Variants in GPR39 observed in about 807,000 individuals in gnomAD.
GPR39 encodes the protein G protein-coupled receptor 39.
A neutral mutation model predicts 18.4 loss-of-function variants in GPR39; 23 were observed. That is an observed-to-expected ratio of 1.25 (90% CI 0.90 to 1.77). The LOEUF (loss-of-function observed/expected upper bound fraction) is 1.77. GPR39 is among the 40% of genes most tolerant of loss of function. The pLI is 0.00. For synonymous variants in GPR39, 280 were observed against 257.9 expected, an observed-to-expected ratio of 1.09 and a Z score of -0.82; for missense variants, 647 against 602.4, an observed-to-expected ratio of 1.07 and a Z score of -0.78.
chr2:132,479,000 G>A (rs1480241768), intron 1 of GPR39, among the ~76,000 whole-genome samples: 2 of 151,714 alleles, frequency 1.3e-5, no homozygotes, highest in African/African-American at 4.8e-5. Flanking sequence ...GAGTTTGGAC[G>A]ACTAAAGCAC....
At chr2:132,583,113 A>G (rs537422428) in intron 1 of GPR39, among the ~76,000 whole-genome samples, 115 of 151,820 alleles carry the variant, frequency 7.6e-4, no homozygotes, top group Non-Finnish European at 1.4e-3. Context: ...GGATCTTGCT[A>G]TGTTGCCCAG....
At chr2:132,583,760 G>A (rs995895669) in intron 1 of GPR39, among the ~76,000 whole-genome samples, 47 of 151,010 alleles carry the variant, frequency 3.1e-4, no homozygotes, top group African/African-American at 1.1e-3. Flanking sequence ...GAATCACTGG[G>A]AGGCGCTCAC....
intron 1 of GPR39, among the ~76,000 whole-genome samples, chr2:132,498,584 A>G (rs1681693152): frequency 6.6e-6 from 1 of 152,112 alleles, no homozygotes; most frequent in South Asian, 2.1e-4. Context: ...CTCTGGGGAG[A>G]TACATAGTGG....
intron 1 of GPR39, among the ~76,000 whole-genome samples, chr2:132,424,646 T>C (rs918287876): frequency 2.0e-4 from 30 of 152,330 alleles, no homozygotes; most frequent in African/African-American, 7.2e-4. Context: ...GCTAAGGGGT[T>C]TGGAATTTAT....
At chr2:132,464,676 C>T (rs1250323422) in intron 1 of GPR39, among the ~76,000 whole-genome samples, 1 of 152,174 alleles carries the variant, frequency 6.6e-6, no homozygotes, top group African/African-American at 2.4e-5. Context: ...CAAGCTTGTG[C>T]ATGGATTTCC....
intron 1 of GPR39, among the ~76,000 whole-genome samples, chr2:132,545,789 G>A (rs751429618): frequency 1.3e-5 from 2 of 152,114 alleles, no homozygotes; most frequent in Non-Finnish European, 2.9e-5. Flanking sequence ...CTGGGGGCAG[G>A]CCTGGGATTC....
At chr2:132,545,348 A>G (rs1390699894) in intron 1 of GPR39, among the ~76,000 whole-genome samples, 1 of 152,238 alleles carries the variant, frequency 6.6e-6, no homozygotes, top group East Asian at 1.9e-4. Context: ...CTTTATAAAC[A>G]TTGAGCAGAC....
chr2:132,424,827 G>C (rs950098448), intron 1 of GPR39, among the ~76,000 whole-genome samples: 1 of 152,190 alleles, frequency 6.6e-6, no homozygotes, highest in African/African-American at 2.4e-5. Context: ...AGTTCTGGCA[G>C]AGCAGCTGAC....
intron 1 of GPR39, among the ~76,000 whole-genome samples, chr2:132,495,155 G>A (rs1368778461): frequency 6.6e-6 from 1 of 152,206 alleles, no homozygotes; most frequent in Non-Finnish European, 1.5e-5. Context: ...GTACCAAAGA[G>A]GAAGAGAGCA....
At chr2:132,513,462 C>CAAAAA (rs35917253) in intron 1 of GPR39, among the ~76,000 whole-genome samples, 5,908 of 149,284 alleles carry the variant, frequency 0.04, 149 homozygotes, top group Middle Eastern at 0.073. Context: ...GACTCTGTCT[C>CAAAAA]AAAAAAAAAG....
intron 1 of GPR39, among the ~76,000 whole-genome samples, chr2:132,450,449 T>C (rs6746209): frequency 0.8 from 122,019 of 152,248 alleles, 49,721 homozygotes; most frequent in Non-Finnish European, 0.87. Context: ...TTAACATATT[T>C]ACCTTCTGAC....
At chr2:132,445,021 C>T (rs1437607328) in intron 1 of GPR39, among the ~76,000 whole-genome samples, 1 of 152,118 alleles carries the variant, frequency 6.6e-6, no homozygotes, top group Non-Finnish European at 1.5e-5. Flanking sequence ...CTTCAGCTCC[C>T]CTACCGCCCA....
At chr2:132,430,439 G>A (rs769551164) in intron 1 of GPR39, among the ~76,000 whole-genome samples, 7 of 152,082 alleles carry the variant, frequency 4.6e-5, no homozygotes, top group Admixed American at 1.3e-4. Flanking sequence ...CCACCAAACC[G>A]GATTCTTCTT....
chr2:132,440,198 T>C (rs1680408835), intron 1 of GPR39, among the ~76,000 whole-genome samples: 1 of 152,212 alleles, frequency 6.6e-6, no homozygotes, highest in African/African-American at 2.4e-5. Context: ...CTTTTCTTGC[T>C]AGTGCCCCTA....
intron 1 of GPR39, among the ~76,000 whole-genome samples, chr2:132,476,201 C>T (rs1052103275): frequency 6.6e-6 from 1 of 152,144 alleles, no homozygotes; most frequent in African/African-American, 2.4e-5. Flanking sequence ...TTATAAAAGA[C>T]CAAAGGTGAA....
intron 1 of GPR39, among the ~76,000 whole-genome samples, chr2:132,455,308 C>T (rs1261243073): frequency 6.6e-6 from 1 of 152,176 alleles, no homozygotes; most frequent in Non-Finnish European, 1.5e-5. Context: ...GTTTGTATTT[C>T]TGTGGGATTG....
At position 132,495,063 on chromosome 2, in the gene GPR39, C is replaced by G. The variant is rs879565033; in HGVS notation, c.856+77165C>G. Reference sequence around the variant, plus strand: ...GATTTCAGCTTTGTTGGAGACACATCAAAGACACTAGGAAGAGAGTAACAT... The same window carrying G: ...GATTTCAGCTTTGTTGGAGACACATGAAAGACACTAGGAAGAGAGTAACAT... On this transcript the variant is annotated intron_variant, in intron 1 of 1. Coordinates refer to ENST00000329321, the MANE Select transcript of GPR39 (RefSeq NM_001508.3). 3.4e-4 allele frequency among the ~76,000 whole-genome samples: 52 copies of G among 152,050 alleles called. 1 individual carries two copies. Among genetic ancestry groups the G allele is most frequent in the Non-Finnish European group, 4.4e-5 (3 of 68,014 alleles).
chr2:132,501,054 G>GTTTTTTTTTTTTTTTTTGTTTTTTGT, intron 1 of GPR39, among the ~76,000 whole-genome samples: 1 of 90,326 alleles, frequency 1.1e-5, no homozygotes, highest in Admixed American at 1.2e-4. Context: ...TATCTTTTGT[G>GTTTTTTTTTTTTTTTTTGTTTTTTGT]TTTTTTTTTT....
intron 1 of GPR39, among the ~76,000 whole-genome samples, chr2:132,427,782 C>G (rs1416359651): frequency 6.7e-6 from 1 of 149,574 alleles, no homozygotes; most frequent in Non-Finnish European, 1.5e-5. Context: ...CCTGAGGCCT[C>G]GAACTCCTGG....
Sources: allele counts gnomAD v4.1 joint callset (sites outside exome capture counted in the v4.1 genomes callset), GRCh38; gene constraint gnomAD v4.1.1; transcripts MANE v1.5; gene names NCBI Gene and HGNC (gene_info 2026-07-23, HGNC 2026-07-21).